The following KIF16B variants were observed in gnomAD, a reference collection of about 807,000 sequenced individuals.
The protein encoded by KIF16B is kinesin-like protein KIF16B.
A neutral mutation model predicts 156.3 loss-of-function variants in KIF16B; 98 were observed. That is an observed-to-expected ratio of 0.63 (90% confidence interval 0.53 to 0.74). The LOEUF (loss-of-function observed/expected upper bound fraction) is 0.74. KIF16B is among the 30% of genes least tolerant of loss of function. The pLI is 0.00. For missense variants in KIF16B, 1,421 were observed against 1,606.5 expected, an observed-to-expected ratio of 0.88 and a Z score of 1.97; for synonymous variants, 564 against 583.7, an observed-to-expected ratio of 0.97 and a Z score of 0.49.
At chr20:16,336,155 G>T (rs2064032896) in intron 23 of KIF16B, 140 bp from the exon 24 acceptor site, 1 of 598,290 alleles carries the variant, frequency 1.7e-6, no homozygotes, top group African/African-American at 1.9e-5. Context: ...TAATCTAGCT[G>T]CATAAATACA....
intron 2 of KIF16B, among the ~76,000 whole-genome samples, chr20:16,527,712 GACCACAGGTGTGC>G (rs2069600639): frequency 6.6e-6 from 1 of 152,022 alleles, no homozygotes; most frequent in Non-Finnish European, 1.5e-5. Context: ...GAGTAGCTAG[GACCACAGGTGTGC>G]ACCACCAAGC....
chr20:16,300,317 T>C (rs2122589630), intron 25 of KIF16B, among the ~76,000 whole-genome samples: 1 of 152,314 alleles, frequency 6.6e-6, no homozygotes, highest in South Asian at 2.1e-4. Flanking sequence ...TCTAATAAAA[T>C]ATAAATTATC....
In KIF16B at chr20:16,410,049, T is replaced by TACATATATATATGTA. The variant is rs1568948368; in HGVS notation, c.1613-3594_1613-3593insTACATATATATATGT. Among the ~76,000 whole-genome samples the TACATATATATATGTA allele has an allele frequency of 7.1e-4, 22 of 31,008 alleles. 6 individuals carry two copies. Among genetic ancestry groups the TACATATATATATGTA allele is most frequent in the African/African-American group, 4.0e-3 (18 of 4,448 alleles). 20.3% of individuals were successfully genotyped at this position (31,008 alleles called of 152,430 possible). On this transcript the variant is annotated intron_variant, in intron 15 of 25. Coordinates refer to ENST00000354981, the MANE Select transcript of KIF16B (RefSeq NM_024704.5). ...TATATGTAGGTACATATATATATGTTGGTACATATATATATATGTAGGTAC... is the reference window on the plus strand; with the variant it reads ...TATATGTAGGTACATATATATATGTTACATATATATATGTAGGTACATATATATATATGTAGGTAC...
intron 22 of KIF16B, chr20:16,366,768 C>T (rs763454899): frequency 4.8e-5 from 46 of 955,560 alleles, no homozygotes; most frequent in Non-Finnish European, 5.4e-5. Context: ...TTTCAGGCAG[C>T]ACAGATTAGC....
intron 12 of KIF16B, among the ~76,000 whole-genome samples, chr20:16,491,915 A>G (rs1470357566): frequency 6.6e-6 from 1 of 152,246 alleles, no homozygotes; most frequent in Non-Finnish European, 1.5e-5. Context: ...TTGAGTATCC[A>G]AGAGCTTAGG....
intron 3 of KIF16B, among the ~76,000 whole-genome samples, chr20:16,523,923 G>A (rs575016193): frequency 7.2e-5 from 11 of 152,290 alleles, no homozygotes; most frequent in African/African-American, 2.6e-4. Context: ...AAGCAATGGG[G>A]AAAGGATTCC....
rs767966875 is a variant in KIF16B at position 16,379,576 on chromosome 20, G to A, written c.2426C>T (p.Ala809Val). 1.2e-5 allele frequency: 19 copies of A among 1,613,878 alleles called. No individual in the cohort carries two copies. Among genetic ancestry groups the A allele is most frequent in the Non-Finnish European group, 1.4e-5 (16 of 1,179,988 alleles). ...ESLLRVKEAR[A>V]GGDEDGEELE... is the part of the protein sequence containing the mutation. The stretch of plus-strand genomic sequence containing the variant: ...CTCCTCGCCATCTTCATCCCCTCCG[G>A]CACGAGCCTCCTTCACCCGCAGGAG... The change falls in exon 19 of 26, where the codon GCC becomes GTC. Residue 809 changes from alanine (A) to valine (V), a missense_variant. Ala to Val is a moderately conservative substitution (Grantham distance 64). Coordinates refer to ENST00000354981, the MANE Select transcript of KIF16B (RefSeq NM_024704.5).
intron 15 of KIF16B, among the ~76,000 whole-genome samples, chr20:16,422,303 A>G (rs2066245568): frequency 6.6e-6 from 1 of 152,140 alleles, no homozygotes; most frequent in Non-Finnish European, 1.5e-5. Context: ...GTGTGCTCTA[A>G]AAGTTCCTTT....
chr20:16,510,926 T>C, intron 6 of KIF16B, among the ~76,000 whole-genome samples: 1 of 152,212 alleles, frequency 6.6e-6, no homozygotes, highest in South Asian at 2.1e-4. Context: ...AGGCCAATCC[T>C]GTACTCATCA....
chr20:16,427,156 G>T lies in KIF16B; in HGVS notation c.1560C>A (p.Ser520=), dbSNP rs757889344. 6.2e-7 allele frequency: 1 copy of T among 1,612,704 alleles called. No homozygotes were observed. Among genetic ancestry groups the T allele is most frequent in the South Asian group, 1.1e-5 (1 of 90,920 alleles). The part of the protein sequence containing the change: ...GTVTLIPLSG[S]QCSVNGVQIV... ...TCTGAACACCATTCACAGAGCACTGGGACCCACTCAGGGGTATCAGAGTCA... is the reference window on the plus strand; with the variant it reads ...TCTGAACACCATTCACAGAGCACTGTGACCCACTCAGGGGTATCAGAGTCA... The change falls in exon 15 of 26, where the codon TCC becomes TCA. Residue 520 remains serine, a synonymous_variant. Coordinates refer to ENST00000354981, the MANE Select transcript of KIF16B (RefSeq NM_024704.5).
rs1036516524 is a variant in KIF16B at position 16,401,609 on chromosome 20, C to T, written c.1784+3204G>A. 2.6e-5 allele frequency among the ~76,000 whole-genome samples: 4 copies of T among 152,144 alleles called. No homozygotes were observed. The South Asian group carries it at 8.3e-4, about 32-fold the overall frequency. ...TATACAGAAAAGAATAACACAAGGC[C>T]CCTGACCTTAAAAAGCTTCCATTCT... is the stretch of plus-strand genomic sequence containing the variant. On this transcript the variant is annotated intron_variant, in intron 17 of 25. Coordinates refer to ENST00000354981, the MANE Select transcript of KIF16B (RefSeq NM_024704.5).
At chr20:16,349,142 C>T (rs1056136614) in intron 23 of KIF16B, among the ~76,000 whole-genome samples, 1 of 152,296 alleles carries the variant, frequency 6.6e-6, no homozygotes, top group African/African-American at 2.4e-5. Context: ...CATGGCCCCT[C>T]GTCTAAAACT....
intron 12 of KIF16B, among the ~76,000 whole-genome samples, chr20:16,488,229 G>A (rs754960982): frequency 2.6e-5 from 4 of 152,208 alleles, no homozygotes; most frequent in East Asian, 1.9e-4. Context: ...TCAGGGCTGC[G>A]AGGACCACTT....
At chr20:16,506,280 C>T in intron 7 of KIF16B, 90 bp from the exon 8 acceptor site, 3 of 1,081,070 alleles carry the variant, frequency 2.8e-6, no homozygotes, top group Non-Finnish European at 4.2e-6. Context: ...CTGCTCCTCA[C>T]TGAGATCTCT....
intron 22 of KIF16B, among the ~76,000 whole-genome samples, chr20:16,356,890 C>T (rs539440531): frequency 2.2e-4 from 33 of 152,272 alleles, no homozygotes; most frequent in African/African-American, 5.5e-4. Context: ...AGATTTTATT[C>T]AAATTTACTT....
chr20:16,506,062 G>A lies in KIF16B; in HGVS notation c.828C>T (p.Asn276=), dbSNP rs1196229547. The A allele has an allele frequency of 1.2e-6, 2 of 1,614,114 alleles. No individual in the cohort carries two copies. The highest frequency in any genetic ancestry group is 2.2e-5 in the East Asian group (1 of 44,868). The change falls in exon 8 of 26, where the codon AAC becomes AAT. Residue 276 remains asparagine, a synonymous_variant. Coordinates refer to ENST00000354981, the MANE Select transcript of KIF16B (RefSeq NM_024704.5). ...CGTTCCCCAGAGTCACGAGGGACTT[G>A]TTAATATTTCCCCCTTCCTTTAGCC... The part of the protein sequence containing the change: ...GVRLKEGGNI[N]KSLVTLGNVI...
chr20:16,560,166 G>A (rs1437539173), intron 1 of KIF16B, among the ~76,000 whole-genome samples: 1 of 152,020 alleles, frequency 6.6e-6, no homozygotes, highest in African/African-American at 2.4e-5. Context: ...TTCTCACAAG[G>A]GCCCATCTAC....
chr20:16,441,371 TC>T (rs967193771), intron 12 of KIF16B, among the ~76,000 whole-genome samples: 1 of 152,094 alleles, frequency 6.6e-6, no homozygotes, highest in African/African-American at 2.4e-5. Context: ...TACAAATGTT[TC>T]CCCTTCCCCA....
chr20:16,420,120 TA>T (rs1431242023), intron 15 of KIF16B, among the ~76,000 whole-genome samples: 3 of 152,164 alleles, frequency 2.0e-5, no homozygotes, highest in South Asian at 2.1e-4. Context: ...CTGGAAGAAC[TA>T]AAAAAAGAGG....
Sources: allele counts gnomAD v4.1 joint callset (sites outside exome capture counted in the v4.1 genomes callset), GRCh38; gene constraint gnomAD v4.1.1; transcripts MANE v1.5; gene names NCBI Gene and HGNC (gene_info 2026-07-23, HGNC 2026-07-21).